Variants in NAT1 observed in about 807,000 individuals in gnomAD.
The protein encoded by NAT1 is arylamine N-acetyltransferase 1.
For missense variants in NAT1, 400 were observed against 339.2 expected (o/e 1.18, Z -1.41); for synonymous variants, 144 against 122.6 (o/e 1.17, Z -1.16).
intron 2 of NAT1, among the ~76,000 whole-genome samples, chr8:18,202,033 T>C (rs1803485647): frequency 6.6e-6 from 1 of 152,246 alleles, no homozygotes; most frequent in African/African-American, 2.4e-5. Context: ...AAATAAAATT[T>C]ATGTCTATAA....
upstream of NAT1, among the ~76,000 whole-genome samples, chr8:18,205,281 G>C (rs544806116): frequency 9.2e-5 from 14 of 152,292 alleles, 1 homozygote; most frequent in South Asian, 2.7e-3. Flanking sequence ...ATGCAGCTGT[G>C]GGGGTGGGAG....
chr8:18,187,283 C>G (rs1191346499), intron 2 of NAT1, among the ~76,000 whole-genome samples: 1 of 152,180 alleles, frequency 6.6e-6, no homozygotes, highest in Non-Finnish European at 1.5e-5. Flanking sequence ...CTGTGGAAAA[C>G]AGTGTGGTGC....
In NAT1 at chr8:18,200,268, A is replaced by G. The variant is rs138613820; in HGVS notation, n.93-9513A>G. ...CGTGTTCATTGCAGCACTATTCGCAATAGCAAAGATATGGAATCAACCTAG... is the reference window on the plus strand; with the variant it reads ...CGTGTTCATTGCAGCACTATTCGCAGTAGCAAAGATATGGAATCAACCTAG... On this transcript the variant is annotated intron_variant and non_coding_transcript_variant, in intron 2 of 4. Transcript: ENST00000517441. Among the ~76,000 whole-genome samples, 1,497 of 152,316 alleles carry G rather than the reference A, an allele frequency of 9.8e-3. 62 individuals carry two copies. In the East Asian group the frequency reaches 0.1, roughly 11 times the overall value.
intron 2 of NAT1, among the ~76,000 whole-genome samples, chr8:18,204,118 T>A (rs1273058504): frequency 6.6e-6 from 1 of 152,178 alleles, no homozygotes; most frequent in East Asian, 1.9e-4. Context: ...TGCCTGCCTA[T>A]AAAATTGGCT....
At chr8:18,217,619 A>G (rs1400381614) in intron 1 of NAT1, among the ~76,000 whole-genome samples, 1 of 152,210 alleles carries the variant, frequency 6.6e-6, no homozygotes, top group Non-Finnish European at 1.5e-5. Flanking sequence ...AAGCAAACAA[A>G]TATGGCTGTC....
chr8:18,190,477 T>TACATGTTTACCTAATAA (rs1313992837), intron 2 of NAT1, among the ~76,000 whole-genome samples: 1 of 152,248 alleles, frequency 6.6e-6, no homozygotes, highest in African/African-American at 2.4e-5. Context: ...CTCTTTACCC[T>TACATGTTTACCTAATAA]ACATGCATTC....
chr8:18,172,741 A>C (rs2040471), intron 2 of NAT1, among the ~76,000 whole-genome samples: 48,741 of 152,042 alleles, frequency 0.32, 8,871 homozygotes, highest in African/African-American at 0.5. Flanking sequence ...TACATCTTTC[A>C]TGGTTTGTAT....
At chr8:18,176,873 T>C (rs763910460) in intron 2 of NAT1, among the ~76,000 whole-genome samples, 9 of 152,112 alleles carry the variant, frequency 5.9e-5, no homozygotes, top group Non-Finnish European at 1.0e-4. Context: ...TTTCCATTTA[T>C]TGTGTCATCT....
chr8:18,191,826 A>G (rs1255745666), intron 2 of NAT1, among the ~76,000 whole-genome samples: 2 of 151,494 alleles, frequency 1.3e-5, no homozygotes, highest in African/African-American at 4.8e-5. Context: ...TACACCTTAT[A>G]CAAAAATTAA....
rs749235522 is a variant in NAT1 at position 18,222,460 on chromosome 8, T to C, written c.413T>C (p.Ile138Thr). Reference sequence around the variant, plus strand: ...CAGATGTGGCAGCCTCTGGAGTTAATTTCTGGGAAGGATCAGCCTCAGGTG... The same window carrying C: ...CAGATGTGGCAGCCTCTGGAGTTAACTTCTGGGAAGGATCAGCCTCAGGTG... ...SYQMWQPLEL[I>T]SGKDQPQVPC... Residue 138 changes from isoleucine (I) to threonine (T), a missense_variant, in exon 3 of 3, where the codon ATT (isoleucine) becomes ACT (threonine). Physicochemically the swap from Ile to Thr is moderately conservative, Grantham distance 89. Coordinates refer to ENST00000307719, the MANE Select transcript of NAT1 (RefSeq NM_000662.8). The C allele has an allele frequency of 3.7e-6, 6 of 1,613,944 alleles. No homozygotes were observed. In the Admixed American group the frequency reaches 5.0e-5, roughly 13 times the overall value.
intron 2 of NAT1, among the ~76,000 whole-genome samples, chr8:18,204,768 A>G (rs1438757691): frequency 6.6e-6 from 1 of 152,250 alleles, no homozygotes; most frequent in Non-Finnish European, 1.5e-5. Context: ...TCAATTCTAC[A>G]TACAAAGTGT....
chr8:18,221,954 A>G, intron 2 of NAT1, 88 bp from the exon 3 acceptor site: 1 of 1,309,642 alleles, frequency 7.6e-7, no homozygotes, highest in Non-Finnish European at 1.1e-6. Flanking sequence ...TTGTATTTTT[A>G]CATGTTTAAA....
At chr8:18,216,396 T>C (rs1804671794) in intron 1 of NAT1, among the ~76,000 whole-genome samples, 2 of 152,326 alleles carry the variant, frequency 1.3e-5, no homozygotes, top group Admixed American at 1.3e-4. Flanking sequence ...TGTAAATGTT[T>C]GCAGCCTTGT....
upstream of NAT1, among the ~76,000 whole-genome samples, chr8:18,207,511 C>A (rs1052609127): frequency 2.0e-5 from 3 of 152,096 alleles, no homozygotes; most frequent in Non-Finnish European, 2.9e-5. Context: ...TTCTTCCTAT[C>A]CATGAGCTCA....
intron 2 of NAT1, among the ~76,000 whole-genome samples, chr8:18,186,933 G>C (rs1485215660): frequency 6.6e-6 from 1 of 152,138 alleles, no homozygotes; most frequent in Non-Finnish European, 1.5e-5. Context: ...AAAGCTGCAG[G>C]GAAGGGGCCC....
intron 2 of NAT1, among the ~76,000 whole-genome samples, chr8:18,200,354 A>G (rs893218153): frequency 1.3e-5 from 2 of 152,224 alleles, no homozygotes; most frequent in Admixed American, 1.3e-4. Context: ...CTATGCAGCC[A>G]TAAAAAAGAA....
intron 1 of NAT1, chr8:18,212,859 G>A (rs1804236316): frequency 6.6e-6 from 1 of 152,202 alleles, no homozygotes; most frequent in Non-Finnish European, 1.5e-5. Context: ...TAGGTACCCT[G>A]AGCAGGCTCT....
At position 18,198,617 on chromosome 8, in the gene NAT1, T is replaced by TC. The variant is rs565672963; in HGVS notation, n.93-11160dup. ...GCTCAGTGTATAAAGGTTTTATTTT[T>TC]CCCCAGTAGTACTGAAGTATAATTG... On this transcript the variant is annotated intron_variant and non_coding_transcript_variant, in intron 2 of 4. Transcript: ENST00000517441. Among the ~76,000 whole-genome samples the TC allele has an allele frequency of 4.3e-4, 66 of 152,364 alleles. No individual in the cohort carries two copies. The East Asian group carries it at 0.011, about 26-fold the overall frequency.
At chr8:18,180,121 C>G (rs1802453835) in intron 2 of NAT1, among the ~76,000 whole-genome samples, 1 of 150,986 alleles carries the variant, frequency 6.6e-6, no homozygotes, top group African/African-American at 2.4e-5. Context: ...ATTGGGGGAG[C>G]TAGAGGGAAC....
Sources: allele counts gnomAD v4.1 joint callset (sites outside exome capture counted in the v4.1 genomes callset), GRCh38; gene constraint gnomAD v4.1.1; transcripts MANE v1.5; gene names NCBI Gene and HGNC (gene_info 2026-07-23, HGNC 2026-07-21).